The following SASS6 variants were observed in gnomAD, a reference collection of about 807,000 sequenced individuals.
The protein encoded by SASS6 is SAS-6 centriolar assembly protein.
In SASS6, 59 loss-of-function variants were observed where a neutral mutation model predicts 94.9. That is an observed-to-expected ratio of 0.62 (90% confidence interval 0.50 to 0.77). The LOEUF is 0.77. SASS6 is among the 30% of genes least tolerant of loss of function. SASS6 has a pLI of 0.00. For missense variants in SASS6, 698 were observed against 734.1 expected, an observed-to-expected ratio of 0.95 and a Z score of 0.57; for synonymous variants, 264 against 270.0, an observed-to-expected ratio of 0.98 and a Z score of 0.22.
intron 1 of SASS6, among the ~76,000 whole-genome samples, chr1:100,129,937 ATT>A (rs1407120704): frequency 3.9e-5 from 6 of 152,316 alleles, no homozygotes; most frequent in Non-Finnish European, 7.3e-5. Flanking sequence ...TACTTTATGC[ATT>A]TGTCACACAT....
chr1:100,108,030 A>C (rs1215314225), intron 8 of SASS6, 26 bp from the exon 9 acceptor site: 2 of 1,460,008 alleles, frequency 1.4e-6, no homozygotes, highest in East Asian at 2.3e-5. Context: ...AAAGAAATTA[A>C]GCATTATGAA....
intron 2 of SASS6, among the ~76,000 whole-genome samples, chr1:100,123,832 T>C (rs888542583): frequency 6.6e-6 from 1 of 152,212 alleles, no homozygotes. Context: ...GCCACTGATA[T>C]GGAAGCCCAA....
intron 2 of SASS6, among the ~76,000 whole-genome samples, chr1:100,124,412 GCT>G (rs1654419218): frequency 6.6e-6 from 1 of 152,090 alleles, no homozygotes; most frequent in South Asian, 2.1e-4. Context: ...ATGGGGTCTC[GCT>G]CTGTCGCCCA....
intron 7 of SASS6, among the ~76,000 whole-genome samples, chr1:100,114,701 G>C (rs1467147350): frequency 6.6e-6 from 1 of 152,052 alleles, no homozygotes; most frequent in African/African-American, 2.4e-5. Flanking sequence ...CTGGGCAACA[G>C]AGCAAGACTC....
rs1410777233 is a variant in SASS6 at position 100,083,864 on chromosome 1, CAT to C, written c.*1462_*1463del. On this transcript the variant is annotated 3_prime_UTR_variant, in exon 17 of 17. Transcript: ENST00000287482. ...TGTATGTCATGCATCCCATCCAAAA[CAT>C]GTCACAATATTTTATATATATTACA... 2 of 151,964 alleles carry C rather than the reference CAT, an allele frequency of 1.3e-5. No homozygotes were observed. Among genetic ancestry groups the C allele is most frequent in the African/African-American group, 4.8e-5 (2 of 41,408 alleles). 9.4% of individuals were successfully genotyped at this position (151,964 alleles called of 1,614,324 possible).
rs748000537 is a variant in SASS6, at chr1:100,132,790, G to A, written c.25C>T (p.Leu9=). 6.2e-7 allele frequency: 1 copy of A among 1,614,184 alleles called. No individual in the cohort carries two copies. The highest frequency in any genetic ancestry group is 8.5e-7 in the Non-Finnish European group (1 of 1,179,984). Residue 9 remains leucine, a synonymous_variant, in exon 1 of 17, where the codon CTA becomes TTA. Coordinates refer to ENST00000287482, the MANE Select transcript of SASS6 (RefSeq NM_194292.3). ...TTGCATTTCACCTGCAACGGGACTA[G>A]TTGGTGGAACAGCACTTGGCTCATG... MSQVLFHQ[L]VPLQVKCKDC... is the part of the protein sequence containing the mutation.
At chr1:100,105,430 G>T (rs910933713) in intron 13 of SASS6, among the ~76,000 whole-genome samples, 2 of 152,120 alleles carry the variant, frequency 1.3e-5, no homozygotes, top group African/African-American at 4.8e-5. Flanking sequence ...GGGAAGCTGA[G>T]GCAGGAGAAT....
chr1:100,107,297 G>C lies in SASS6; in HGVS notation c.1326+77C>G, dbSNP rs1012687626. The C allele has an allele frequency of 7.0e-6, 6 of 859,766 alleles. No homozygotes were observed. The African/African-American group carries it at 8.7e-5, about 12-fold the overall frequency. The allele number at this position is 859,766 out of a possible 1,614,324, so 53.3% of individuals were successfully genotyped here. A position where few individuals can be genotyped will look rare whatever the true frequency, so the allele number is the denominator to read the frequency against. Reference sequence around the variant, plus strand: ...AAAAAAAACAAGACCAAAGCCATTTGTTAATGTAACAAAGCATAAATTTTT... The same window carrying C: ...AAAAAAAACAAGACCAAAGCCATTTCTTAATGTAACAAAGCATAAATTTTT... On this transcript the variant is annotated intron_variant, in intron 11 of 16. Transcript: ENST00000287482.
Position 100,122,498 on chromosome 1 carries a change from A to G in SASS6, c.207-14T>C, listed in dbSNP as rs781760236. ...TGGAATTTTAAACTATACAGAAGAA[A>G]GGAAAAGAAATTTTTTAAAAATTTT... On this transcript the variant is annotated splice_polypyrimidine_tract_variant and intron_variant, in intron 3 of 16. Transcript: ENST00000287482. 53 of 1,130,832 alleles carry G rather than the reference A, an allele frequency of 4.7e-5. No homozygotes were observed. Among genetic ancestry groups the G allele is most frequent in the Non-Finnish European group, 5.5e-5 (43 of 776,868 alleles). The allele number at this position is 1,130,832 out of a possible 1,614,324, so 70.0% of individuals were successfully genotyped here.
intron 14 of SASS6, among the ~76,000 whole-genome samples, chr1:100,096,887 AG>A (rs1652141559): frequency 6.6e-6 from 1 of 152,122 alleles, no homozygotes; most frequent in Non-Finnish European, 1.5e-5. Flanking sequence ...AGGCCGAGGT[AG>A]GGGATCACTT....
intron 14 of SASS6, among the ~76,000 whole-genome samples, chr1:100,102,451 C>A (rs1325505790): frequency 1.3e-5 from 2 of 152,010 alleles, no homozygotes; most frequent in African/African-American, 4.8e-5. Context: ...CCAAGGCAGG[C>A]GGATCACTTG....
chr1:100,123,928 T>C (rs1309709298), intron 2 of SASS6, among the ~76,000 whole-genome samples: 1 of 152,204 alleles, frequency 6.6e-6, no homozygotes, highest in Non-Finnish European at 1.5e-5. Flanking sequence ...GAGACCATCA[T>C]AACAGCTAGA....
intron 1 of SASS6, among the ~76,000 whole-genome samples, chr1:100,128,904 C>T (rs564813912): frequency 6.6e-6 from 1 of 152,084 alleles, no homozygotes; most frequent in Non-Finnish European, 1.5e-5. Flanking sequence ...GTACTTTAAG[C>T]CAGGTATTGT....
intron 14 of SASS6, among the ~76,000 whole-genome samples, chr1:100,090,509 C>T (rs1329655039): frequency 6.6e-6 from 1 of 152,128 alleles, no homozygotes; most frequent in Non-Finnish European, 1.5e-5. Context: ...CTTTCCTGCT[C>T]CAACTCCCAG....
Position 100,132,912 on chromosome 1 carries a change from G to T in SASS6, c.-98C>A. On this transcript the variant is annotated 5_prime_UTR_variant, in exon 1 of 17. Transcript: ENST00000287482. Reference sequence around the variant, plus strand: ...CGGGTCCTGATAAAGTTTGAGTTTGGCGCTCGGCTTCTGCGGAGGAGGCGG... The same window carrying T: ...CGGGTCCTGATAAAGTTTGAGTTTGTCGCTCGGCTTCTGCGGAGGAGGCGG... 1 of 1,237,674 alleles carries T rather than the reference G, an allele frequency of 8.1e-7. No individual in the cohort carries two copies. Among genetic ancestry groups the T allele is most frequent in the South Asian group, 1.2e-5 (1 of 81,114 alleles). The allele number at this position is 1,237,674 out of a possible 1,614,324, so 76.7% of individuals were successfully genotyped here. A position where few individuals can be genotyped will look rare whatever the true frequency, so the allele number is the denominator to read the frequency against.
intron 14 of SASS6, among the ~76,000 whole-genome samples, chr1:100,101,939 T>G (rs1038331363): frequency 3.3e-5 from 5 of 152,188 alleles, no homozygotes; most frequent in Non-Finnish European, 5.9e-5. Context: ...TAATACCAGT[T>G]TCAAAGTCCT....
chr1:100,130,806 G>A (rs1017312409), intron 1 of SASS6, among the ~76,000 whole-genome samples: 2 of 152,036 alleles, frequency 1.3e-5, no homozygotes, highest in African/African-American at 4.8e-5. Context: ...AGGCTTTGCG[G>A]GCCATAAGGT....
intron 14 of SASS6, among the ~76,000 whole-genome samples, chr1:100,098,581 T>C (rs1176331487): frequency 6.6e-6 from 1 of 152,114 alleles, no homozygotes; most frequent in Non-Finnish European, 1.5e-5. Flanking sequence ...CAGTTACTTC[T>C]AACAATGTAA....
chr1:100,090,484 A>T (rs541252008), intron 14 of SASS6, among the ~76,000 whole-genome samples: 3 of 152,126 alleles, frequency 2.0e-5, no homozygotes, highest in Non-Finnish European at 4.4e-5. Flanking sequence ...CTTTCTTTTC[A>T]TTTTTCCCTG....
Sources: gnomAD v4.1 joint callset for allele counts (sites outside exome capture counted in the v4.1 genomes callset) on GRCh38, gnomAD v4.1.1 for gene constraint, MANE v1.5 for transcripts, NCBI Gene and HGNC (gene_info 2026-07-23, HGNC 2026-07-21) for gene names.